The following BNC2 variants were observed in gnomAD, a reference collection of about 807,000 sequenced individuals.
BNC2 encodes basonuclin zinc finger protein 2.
Under a neutral mutation model 76.3 loss-of-function variants are expected in BNC2, and 20 were observed. The ratio of observed to expected loss-of-function variants is 0.26; its 90% CI spans 0.18 to 0.38. BNC2 has a LOEUF of 0.38. Ranked by LOEUF, BNC2 falls within the 10% of genes least tolerant of loss-of-function variation. The probability of loss-of-function intolerance (pLI) is 1.00; values close to 1 mark genes in which losing one functional copy is unlikely to be tolerated. For synonymous variants in BNC2, 582 were observed against 514.8 expected, an observed-to-expected ratio of 1.13 and a Z score of -1.77; for missense variants, 1,382 against 1,399.8, an observed-to-expected ratio of 0.99 and a Z score of 0.20.
At chr9:16,539,244 G>A (rs909995835) in intron 5 of BNC2, among the ~76,000 whole-genome samples, 1 of 152,076 alleles carries the variant, frequency 6.6e-6, no homozygotes, top group African/African-American at 2.4e-5. Flanking sequence ...TGGGCGTGTT[G>A]GCTCACGTCT....
chr9:16,615,396 ACTCT>A (rs760038368), intron 3 of BNC2, among the ~76,000 whole-genome samples: 1 of 152,048 alleles, frequency 6.6e-6, no homozygotes, highest in Non-Finnish European at 1.5e-5. Flanking sequence ...ATATGCAAGG[ACTCT>A]CTGACATTTC....
chr9:16,628,429 C>A (rs1821061437), intron 3 of BNC2, among the ~76,000 whole-genome samples: 1 of 152,148 alleles, frequency 6.6e-6, no homozygotes, highest in African/African-American at 2.4e-5. Context: ...AAGTGGAACG[C>A]CGTGAGAGGT....
chr9:16,465,659 GAAT>G (rs1445495689), intron 5 of BNC2, among the ~76,000 whole-genome samples: 1 of 151,842 alleles, frequency 6.6e-6, no homozygotes, highest in Non-Finnish European at 1.5e-5. Flanking sequence ...CATATAACAT[GAAT>G]ATTATAAGAC....
At chr9:16,606,049 CT>C (rs920631126) in intron 3 of BNC2, among the ~76,000 whole-genome samples, 3 of 151,960 alleles carry the variant, frequency 2.0e-5, no homozygotes, top group Admixed American at 2.0e-4. Context: ...CAGTCAAGAA[CT>C]TTTTTTAAAC....
At chr9:16,583,996 C>T (rs1819700991) in intron 3 of BNC2, among the ~76,000 whole-genome samples, 1 of 152,174 alleles carries the variant, frequency 6.6e-6, no homozygotes, top group African/African-American at 2.4e-5. Flanking sequence ...AAGAATAGTG[C>T]TAAAGCTGAC....
At chr9:16,790,350 ATTT>A (rs1563944727) in intron 1 of BNC2, among the ~76,000 whole-genome samples, 2 of 152,138 alleles carry the variant, frequency 1.3e-5, no homozygotes, top group African/African-American at 4.8e-5. Context: ...ATGACCTTTA[ATTT>A]TTTTGTCAAA....
At chr9:16,818,660 T>C (rs1036398948) in intron 1 of BNC2, among the ~76,000 whole-genome samples, 3 of 152,282 alleles carry the variant, frequency 2.0e-5, no homozygotes, top group African/African-American at 7.2e-5. Context: ...AGACTAGATC[T>C]ATGAATTTTA....
intron 3 of BNC2, among the ~76,000 whole-genome samples, chr9:16,622,447 G>T (rs1820890224): frequency 6.6e-6 from 1 of 152,142 alleles, no homozygotes; most frequent in Non-Finnish European, 1.5e-5. Flanking sequence ...AAGTGGATGT[G>T]GATTAACAAA....
chr9:16,578,416 T>C (rs1448477763), intron 4 of BNC2, among the ~76,000 whole-genome samples: 1 of 152,196 alleles, frequency 6.6e-6, no homozygotes, highest in Non-Finnish European at 1.5e-5. Context: ...CTTTACATCA[T>C]GCCTCCTGTT....
intron 3 of BNC2, among the ~76,000 whole-genome samples, chr9:16,659,475 G>A (rs1166520354): frequency 6.6e-6 from 1 of 152,058 alleles, no homozygotes; most frequent in East Asian, 1.9e-4. Flanking sequence ...GTGTGTGGTG[G>A]TGCATGCCTG....
intron 4 of BNC2, among the ~76,000 whole-genome samples, chr9:16,559,624 C>A (rs1171276809): frequency 2.6e-5 from 4 of 152,190 alleles, no homozygotes; most frequent in Non-Finnish European, 4.4e-5. Context: ...GCAATCTGGG[C>A]TACTTGCCCA....
chr9:16,686,027 T>C (rs1351928381), intron 3 of BNC2, among the ~76,000 whole-genome samples: 3 of 152,168 alleles, frequency 2.0e-5, no homozygotes, highest in Non-Finnish European at 2.9e-5. Flanking sequence ...CTCTTTCCTT[T>C]AATTTTCTTA....
chr9:16,820,329 G>C (rs1818291686), intron 1 of BNC2, among the ~76,000 whole-genome samples: 1 of 151,988 alleles, frequency 6.6e-6, no homozygotes, highest in Non-Finnish European at 1.5e-5. Flanking sequence ...AGGAGGCTGA[G>C]GCAGAAGAAT....
chr9:16,817,988 C>A (rs1818224377), intron 1 of BNC2, among the ~76,000 whole-genome samples: 1 of 152,016 alleles, frequency 6.6e-6, no homozygotes, highest in Non-Finnish European at 1.5e-5. Flanking sequence ...AGTCTAATGC[C>A]AAGCTAAAAT....
chr9:16,789,443 T>A (rs760142528), intron 1 of BNC2, among the ~76,000 whole-genome samples: 9 of 152,172 alleles, frequency 5.9e-5, no homozygotes, highest in Non-Finnish European at 1.3e-4. Context: ...ATGGCGTTCC[T>A]GATCTGGCCC....
chr9:16,449,847 GGGA>G (rs1288502405), intron 5 of BNC2, among the ~76,000 whole-genome samples: 20 of 137,764 alleles, frequency 1.5e-4, no homozygotes, highest in Non-Finnish European at 1.7e-4. Flanking sequence ...GGGGCGGGGG[GGGA>G]GGGTAACTAA....
At chr9:16,843,811 T>A (rs1442920338) in intron 1 of BNC2, among the ~76,000 whole-genome samples, 1 of 152,226 alleles carries the variant, frequency 6.6e-6, no homozygotes, top group African/African-American at 2.4e-5. Context: ...TGAATAGTAT[T>A]TGAAAACAAG....
intron 1 of BNC2, among the ~76,000 whole-genome samples, chr9:16,816,650 G>A (rs191307780): frequency 1.6e-4 from 25 of 152,176 alleles, no homozygotes; most frequent in African/African-American, 3.4e-4. Flanking sequence ...GGGAAATCAC[G>A]GCACTTGTTA....
At chr9:16,793,466 T>C (rs1450183178) in intron 1 of BNC2, among the ~76,000 whole-genome samples, 1 of 152,068 alleles carries the variant, frequency 6.6e-6, no homozygotes, top group Non-Finnish European at 1.5e-5. Flanking sequence ...GAAGGATCAA[T>C]TCTAGTTTTC....
Sources: gnomAD v4.1 joint callset for allele counts (sites outside exome capture counted in the v4.1 genomes callset) on GRCh38, gnomAD v4.1.1 for gene constraint, MANE v1.5 for transcripts, NCBI Gene and HGNC (gene_info 2026-07-23, HGNC 2026-07-21) for gene names.